The following ADAMTSL1 variants were observed in gnomAD, a reference collection of about 807,000 sequenced individuals.
The protein encoded by ADAMTSL1 is ADAMTS like 1.
ADAMTSL1 carries 126 observed loss-of-function variants against 201.8 expected under a neutral mutation model. That is an observed-to-expected ratio of 0.62 (90% confidence interval 0.54 to 0.72). ADAMTSL1 has a LOEUF of 0.72. Ranked by LOEUF, ADAMTSL1 falls within the 30% of genes least tolerant of loss-of-function variation. ADAMTSL1 has a pLI of 0.00. For missense variants in ADAMTSL1, 2,679 were observed against 2,277.8 expected, an observed-to-expected ratio of 1.18 and a Z score of -3.59; for synonymous variants, 1,121 against 903.4, an observed-to-expected ratio of 1.24 and a Z score of -4.32.
Position 18,398,934 on chromosome 9 carries a change from T to C in ADAMTSL1, c.208-105895T>C, listed in dbSNP as rs954491680. The stretch of plus-strand genomic sequence containing the variant: ...TCAGATGATAATGTAGATGGTACAA[T>C]GTAAACCAATACAATTATAGCCATC... On this transcript the variant is annotated intron_variant, in intron 2 of 29. Coordinates refer to the ADAMTSL1 transcript ENST00000680146. Among the ~76,000 whole-genome samples the C allele has an allele frequency of 2.6e-5, 4 of 152,100 alleles. No homozygotes were observed. The South Asian group carries it at 6.2e-4, about 24-fold the overall frequency.
intron 2 of ADAMTSL1, among the ~76,000 whole-genome samples, chr9:18,408,292 A>G (rs190077010): frequency 3.9e-4 from 59 of 152,256 alleles, no homozygotes; most frequent in South Asian, 1.2e-3. Flanking sequence ...AACATGGTGA[A>G]ACACTGTCTC....
chr9:18,219,644 C>T (rs1368969526), intron 2 of ADAMTSL1, among the ~76,000 whole-genome samples: 2 of 152,152 alleles, frequency 1.3e-5, no homozygotes, highest in East Asian at 1.9e-4. Context: ...AGGCATGAGC[C>T]ACTGTGCCCA....
At chr9:18,131,361 G>A (rs1332929238) in intron 1 of ADAMTSL1, among the ~76,000 whole-genome samples, 1 of 152,128 alleles carries the variant, frequency 6.6e-6, no homozygotes, top group Non-Finnish European at 1.5e-5. Flanking sequence ...AATAAAGCTG[G>A]CATCTCCAAG....
chr9:18,077,378 G>A (rs1823280832), intron 1 of ADAMTSL1, among the ~76,000 whole-genome samples: 1 of 152,198 alleles, frequency 6.6e-6, no homozygotes, highest in African/African-American at 2.4e-5. Flanking sequence ...ATGGAGAAGA[G>A]GAGGAGGTTG....
chr9:18,654,245 G>C (rs115605884), intron 7 of ADAMTSL1, among the ~76,000 whole-genome samples: 2,531 of 152,200 alleles, frequency 0.017, 86 homozygotes, highest in African/African-American at 0.057. Flanking sequence ...AAGTGCTCTT[G>C]GATAAACATT....
At chr9:18,905,415 G>T in intron 26 of ADAMTSL1, 1 of 214,480 alleles carries the variant, frequency 4.7e-6, no homozygotes, top group Non-Finnish European at 9.4e-6. Context: ...TACCCTCTCT[G>T]CACCGAAGGG....
chr9:18,126,706 G>A (rs1474573674), intron 1 of ADAMTSL1, among the ~76,000 whole-genome samples: 1 of 152,168 alleles, frequency 6.6e-6, no homozygotes, highest in African/African-American at 2.4e-5. Flanking sequence ...CACGGAGATG[G>A]AGGCAGACAG....
chr9:18,657,738 A>G lies in ADAMTSL1; in HGVS notation c.934A>G (p.Thr312Ala). The G allele has an allele frequency of 6.2e-7, 1 of 1,613,310 alleles. No individual in the cohort carries two copies. Among genetic ancestry groups the G allele is most frequent in the Non-Finnish European group, 8.5e-7 (1 of 1,179,288 alleles). The change falls in exon 8 of 29, where the codon ACC (threonine) becomes GCC (alanine). Residue 312 changes from threonine (T) to alanine (A), a missense_variant. By Grantham distance (58) the Thr-to-Ala change is moderately conservative. Coordinates refer to ENST00000380548, the MANE Select transcript of ADAMTSL1 (RefSeq NM_001040272.6). ...RETDFFPCSA[T>A]CGGGYQLTSA... is the part of the protein sequence containing the mutation. The stretch of plus-strand genomic sequence containing the variant: ...GACGGATTTCTTTCCTTGCTCAGCA[A>G]CCTGTGGAGGAGGTAATGGTGTTCA...
At chr9:17,969,406 G>C (rs1818113685) in intron 1 of ADAMTSL1, among the ~76,000 whole-genome samples, 1 of 152,054 alleles carries the variant, frequency 6.6e-6, no homozygotes, top group African/African-American at 2.4e-5. Context: ...ACAGGAGGTA[G>C]ACTTTGCCTT....
At chr9:17,994,304 C>G (rs1819285673) in intron 1 of ADAMTSL1, among the ~76,000 whole-genome samples, 2 of 152,200 alleles carry the variant, frequency 1.3e-5, no homozygotes, top group Middle Eastern at 3.4e-3. Context: ...GAGTATCTGT[C>G]TCAAATAACT....
At chr9:18,828,216 C>A (rs1824714412) in intron 22 of ADAMTSL1, among the ~76,000 whole-genome samples, 1 of 152,118 alleles carries the variant, frequency 6.6e-6, no homozygotes, top group Non-Finnish European at 1.5e-5. Flanking sequence ...TGGCCTCTAC[C>A]CCTGGAGAAT....
In ADAMTSL1 at chr9:18,352,062, A is replaced by AC. The variant is rs1835989328; in HGVS notation, c.208-152766dup. 1.3e-5 allele frequency among the ~76,000 whole-genome samples: 2 copies of AC among 151,984 alleles called. 1 individual carries two copies. The highest frequency in any genetic ancestry group is 4.2e-4 in the South Asian group (2 of 4,810). On this transcript the variant is annotated intron_variant, in intron 2 of 29. Transcript: ENST00000680146. Reference sequence around the variant, plus strand: ...CTATGTAGTGGCTAGGGTTTAACAAACTTTTTTTTTTAGTATCTTAAGTTC... The same window carrying AC: ...CTATGTAGTGGCTAGGGTTTAACAAACCTTTTTTTTTTAGTATCTTAAGTTC...
chr9:18,340,197 C>G (rs983176180), intron 2 of ADAMTSL1, among the ~76,000 whole-genome samples: 3 of 152,148 alleles, frequency 2.0e-5, no homozygotes, highest in Admixed American at 2.0e-4. Context: ...TTCTTTCTAT[C>G]TTGTTGGCAG....
chr9:18,627,331 C>T (rs1587737511), intron 5 of ADAMTSL1, among the ~76,000 whole-genome samples: 1 of 152,174 alleles, frequency 6.6e-6, no homozygotes. Context: ...GTATTTCATA[C>T]TTGTTTTTAT....
At chr9:18,370,273 T>C (rs1178839209) in intron 2 of ADAMTSL1, among the ~76,000 whole-genome samples, 1 of 147,994 alleles carries the variant, frequency 6.8e-6, no homozygotes, top group African/African-American at 2.5e-5. Flanking sequence ...AGAGCAAGAC[T>C]CCATCTCAAA....
chr9:18,729,868 A>G (rs1332062757), intron 15 of ADAMTSL1, among the ~76,000 whole-genome samples: 1 of 152,186 alleles, frequency 6.6e-6, no homozygotes, highest in Admixed American at 6.5e-5. Context: ...TATCTGTACC[A>G]GTTATCAACC....
intron 2 of ADAMTSL1, among the ~76,000 whole-genome samples, chr9:18,453,066 T>C (rs7040544): frequency 0.042 from 6,399 of 152,244 alleles, 418 homozygotes; most frequent in African/African-American, 0.15. Context: ...CTTCAAAATT[T>C]AGATGGAGGA....
Position 18,775,773 on chromosome 9 carries a change from A to T in ADAMTSL1, c.2428A>T (p.Thr810Ser). The T allele has an allele frequency of 1.2e-6, 2 of 1,612,880 alleles. No individual in the cohort carries two copies. The highest frequency in any genetic ancestry group is 1.7e-6 in the Non-Finnish European group (2 of 1,179,514). Reference protein sequence around the residue: ...CSTSCGEGTQTRSAICRKMLK... With the variant: ...CSTSCGEGTQSRSAICRKMLK... ...CACAAGCTGCGGGGAAGGCACCCAG[A>T]CTCGAAGCGCCATTTGCCGAAAGAT... The change falls in exon 18 of 29, where the codon ACT becomes TCT. Residue 810 changes from threonine (T) to serine (S), a missense_variant. By Grantham distance (58) the Thr-to-Ser change is moderately conservative. Coordinates refer to ENST00000380548, the MANE Select transcript of ADAMTSL1 (RefSeq NM_001040272.6).
At chr9:18,744,952 GTTC>G (rs1340706005) in intron 15 of ADAMTSL1, among the ~76,000 whole-genome samples, 2 of 152,130 alleles carry the variant, frequency 1.3e-5, no homozygotes, top group Admixed American at 1.3e-4. Flanking sequence ...AGTGTGCTAT[GTTC>G]TTCTTAGTAC....
Sources: gnomAD v4.1 joint callset for allele counts (sites outside exome capture counted in the v4.1 genomes callset) on GRCh38, gnomAD v4.1.1 for gene constraint, MANE v1.5 for transcripts, NCBI Gene and HGNC (gene_info 2026-07-23, HGNC 2026-07-21) for gene names.